Variants in AKAP7 observed in about 807,000 individuals in gnomAD.
AKAP7 encodes A kinase (PRKA) anchor protein 7.
In AKAP7, 39 loss-of-function variants were observed where a neutral mutation model predicts 39.5. The observed-to-expected ratio is 0.99, with a 90% CI of 0.76 to 1.29. The LOEUF (loss-of-function observed/expected upper bound fraction) is 1.29. Among genes scored for constraint, AKAP7 ranks in the 50% most tolerant of loss-of-function variants. The probability of loss-of-function intolerance (pLI) is 0.00; values close to 1 mark genes in which losing one functional copy is unlikely to be tolerated. For missense variants in AKAP7, 414 were observed against 407.7 expected, an observed-to-expected ratio of 1.02 and a Z score of -0.13; for synonymous variants, 140 against 139.1, an observed-to-expected ratio of 1.01 and a Z score of -0.05.
At chr6:131,158,239 C>T (rs1378719045) in intron 2 of AKAP7, among the ~76,000 whole-genome samples, 1 of 152,078 alleles carries the variant, frequency 6.6e-6, no homozygotes. Context: ...TCTGTTTTAT[C>T]GTGTAAAATA....
chr6:131,250,418 G>A (rs184638067), intron 7 of AKAP7: 15 of 1,454,462 alleles, frequency 1.0e-5, no homozygotes, highest in Admixed American at 2.2e-5. Flanking sequence ...TCTCTCCCCC[G>A]GCGGCGTGTG....
intron 7 of AKAP7, among the ~76,000 whole-genome samples, chr6:131,257,521 A>G (rs1812963585): frequency 1.3e-5 from 2 of 152,102 alleles, no homozygotes; most frequent in Admixed American, 1.3e-4. Flanking sequence ...CCTATGGGGA[A>G]TGGGGAACTC....
At chr6:131,173,419 C>T (rs776670454) in intron 5 of AKAP7, among the ~76,000 whole-genome samples, 2 of 152,036 alleles carry the variant, frequency 1.3e-5, no homozygotes, top group Non-Finnish European at 2.9e-5. Context: ...TACCTCATAC[C>T]TGGCTTCATG....
chr6:131,247,269 G>GTATGTA (rs1554218537), intron 7 of AKAP7, among the ~76,000 whole-genome samples: 6 of 91,918 alleles, frequency 6.5e-5, no homozygotes, highest in Non-Finnish European at 8.0e-5. Flanking sequence ...CATTTCATAT[G>GTATGTA]TATATATATA....
chr6:131,187,643 C>T (rs1406423484), intron 5 of AKAP7, among the ~76,000 whole-genome samples: 1 of 152,154 alleles, frequency 6.6e-6, no homozygotes, highest in South Asian at 2.1e-4. Context: ...GGGAATCTTC[C>T]GTCTTTGTGT....
At position 131,253,124 on chromosome 6, in the gene AKAP7, CT is replaced by C. The variant is rs1562245499; in HGVS notation, c.851-28405del. ...TCAAGTGGTAAGAGTCAAGTGACCCCTCCCCTCTCCTGCTGCTATTTTATCC... is the reference window on the plus strand; with the variant it reads ...TCAAGTGGTAAGAGTCAAGTGACCCCCCCCTCTCCTGCTGCTATTTTATCC... On this transcript the variant is annotated intron_variant, in intron 7 of 7. Transcript: ENST00000431975. 6 of 1,604,490 alleles carry C rather than the reference CT, an allele frequency of 3.7e-6. No homozygotes were observed. In the South Asian group the frequency reaches 6.6e-5, roughly 18 times the overall value.
chr6:131,236,299 T>C (rs1356911419), intron 7 of AKAP7, among the ~76,000 whole-genome samples: 4 of 151,914 alleles, frequency 2.6e-5, no homozygotes, highest in Non-Finnish European at 5.9e-5. Flanking sequence ...GCTGTTTTGG[T>C]TACTGTAGCC....
At chr6:131,185,026 G>A (rs1252586640) in intron 5 of AKAP7, 8 of 739,420 alleles carry the variant, frequency 1.1e-5, no homozygotes, top group Admixed American at 7.0e-5. Context: ...TCTAGGATCC[G>A]CTTTCGTGCT....
chr6:131,195,823 G>A (rs1475427799), intron 5 of AKAP7, among the ~76,000 whole-genome samples: 1 of 152,090 alleles, frequency 6.6e-6, no homozygotes, highest in Non-Finnish European at 1.5e-5. Context: ...ACATATTGGA[G>A]CTCCAGTGTA....
At chr6:131,168,234 G>A (rs891171210) in intron 4 of AKAP7, among the ~76,000 whole-genome samples, 116 of 151,690 alleles carry the variant, frequency 7.6e-4, no homozygotes, top group Non-Finnish European at 2.2e-4. Flanking sequence ...CAGCATAGGG[G>A]GACCTCTCTA....
chr6:131,206,133 G>A (rs1355417163), intron 6 of AKAP7, among the ~76,000 whole-genome samples: 1 of 152,176 alleles, frequency 6.6e-6, no homozygotes, highest in Non-Finnish European at 1.5e-5. Context: ...AAAAATAAAT[G>A]TGATAACATC....
intron 7 of AKAP7, among the ~76,000 whole-genome samples, chr6:131,262,250 C>T (rs752586750): frequency 2.0e-5 from 3 of 152,134 alleles, no homozygotes; most frequent in Non-Finnish European, 4.4e-5. Context: ...GTTCCCTTTG[C>T]GCAGCTGTCC....
intron 5 of AKAP7, among the ~76,000 whole-genome samples, chr6:131,196,288 C>T (rs1426757538): frequency 1.5e-5 from 2 of 129,930 alleles, no homozygotes; most frequent in Admixed American, 8.3e-5. Flanking sequence ...TTTTTTGAGA[C>T]GGAGTCTCAC....
Position 131,250,872 on chromosome 6 carries a change from T to TCTCCCAGCTCATTTTTATCCCACTACA in AKAP7, c.851-30657_851-30631dup, listed in dbSNP as rs1585178299. ...ATTTCTGATTCTCCTCTGTTGGTAT[T>TCTCCCAGCTCATTTTTATCCCACTACA]CTCCCAGCTCATTTTTATCCCACTA... On this transcript the variant is annotated intron_variant, in intron 7 of 7. Coordinates refer to ENST00000431975, the MANE Select transcript of AKAP7 (RefSeq NM_016377.4). Among the ~76,000 whole-genome samples, 7 of 152,328 alleles carry TCTCCCAGCTCATTTTTATCCCACTACA rather than the reference T, an allele frequency of 4.6e-5. No individual in the cohort carries two copies. The East Asian group carries it at 1.4e-3, about 29-fold the overall frequency.
At chr6:131,175,910 T>A (rs896216841) in intron 5 of AKAP7, among the ~76,000 whole-genome samples, 1 of 152,146 alleles carries the variant, frequency 6.6e-6, no homozygotes, top group African/African-American at 2.4e-5. Context: ...TCATCAAACA[T>A]AGCATAAAAA....
intron 7 of AKAP7, among the ~76,000 whole-genome samples, chr6:131,260,006 G>A (rs566560152): frequency 6.6e-6 from 1 of 151,802 alleles, no homozygotes; most frequent in East Asian, 1.9e-4. Context: ...GTGTACATGT[G>A]CTCTCATTGT....
the AKAP7 span, among the ~76,000 whole-genome samples, chr6:131,128,116 A>T: frequency 6.6e-6 from 1 of 152,216 alleles, no homozygotes; most frequent in Non-Finnish European, 1.5e-5. Context: ...AGCTCCCGTG[A>T]CATGCGTTTA....
rs1815202724 is a variant in AKAP7, at chr6:131,281,655, G to C, written c.976G>C (p.Gly326Arg). Reference protein sequence around the residue: ...LEETQNKNKPGEGSSVKTEAA... With the variant: ...LEETQNKNKPREGSSVKTEAA... ...GGAAACACAGAATAAAAACAAGCCG[G>C]GGGAGGGGAGCTCTGTGAAAACCGA... Residue 326 changes from glycine to arginine, a missense_variant, in exon 8 of 8, where the codon GGG becomes CGG. By Grantham distance (125) the Gly-to-Arg change is moderately radical. Transcript: ENST00000431975. This position sits in a 1 kb window ranked among gnomAD's most constrained non-coding sequence, Gnocchi z 4.0. 7 of 1,613,464 alleles carry C rather than the reference G, an allele frequency of 4.3e-6. No homozygotes were observed. The highest frequency in any genetic ancestry group is 5.9e-6 in the Non-Finnish European group (7 of 1,179,804).
chr6:131,277,377 CA>C (rs939272564), intron 7 of AKAP7, among the ~76,000 whole-genome samples: 3 of 152,002 alleles, frequency 2.0e-5, no homozygotes, highest in Non-Finnish European at 4.4e-5. Flanking sequence ...CCCTGTAGTC[CA>C]AAAAAGAATA....
Sources: gnomAD v4.1 joint callset for allele counts (sites outside exome capture counted in the v4.1 genomes callset) on GRCh38, gnomAD v4.1.1 for gene constraint, Gnocchi (gnomAD v3.1) non-coding constraint, MANE v1.5 for transcripts, NCBI Gene and HGNC (gene_info 2026-07-23, HGNC 2026-07-21) for gene names.